Variants in COL26A1 observed in about 807,000 individuals in gnomAD.
COL26A1 encodes the protein collagen alpha-1(XXVI) chain.
A neutral mutation model predicts 59.3 loss-of-function variants in COL26A1; 41 were observed. That is an observed-to-expected ratio of 0.69 (90% CI 0.54 to 0.90). COL26A1 has a LOEUF of 0.90. Among genes scored for constraint, COL26A1 ranks in the 40% least tolerant of loss-of-function variants. COL26A1 has a pLI of 0.00. For missense variants in COL26A1, 612 were observed against 602.3 expected (o/e 1.02, Z -0.17); for synonymous variants, 266 against 256.0 (o/e 1.04, Z -0.37).
At chr7:101,395,197 C>G (rs1205207591) in intron 1 of COL26A1, among the ~76,000 whole-genome samples, 1 of 152,104 alleles carries the variant, frequency 6.6e-6, no homozygotes, top group Non-Finnish European at 1.5e-5. Context: ...CTAGATCTCA[C>G]TGTCATATGG....
intron 3 of COL26A1, among the ~76,000 whole-genome samples, chr7:101,477,851 T>A (rs776953959): frequency 6.6e-6 from 1 of 152,232 alleles, no homozygotes; most frequent in African/African-American, 2.4e-5. Flanking sequence ...TTTTCTCAGC[T>A]TTCCCTGACC....
chr7:101,370,207 G>T (rs1562951214), intron 1 of COL26A1, among the ~76,000 whole-genome samples: 2 of 152,054 alleles, frequency 1.3e-5, no homozygotes, highest in Non-Finnish European at 1.5e-5. Flanking sequence ...CCTTTCAGGG[G>T]TAAGAATAGA....
chr7:101,467,799 A>G (rs1429775970), intron 3 of COL26A1, among the ~76,000 whole-genome samples: 2 of 152,066 alleles, frequency 1.3e-5, no homozygotes, highest in African/African-American at 4.8e-5. Context: ...CCCGGGAAGC[A>G]GGGCTTGCAG....
At chr7:101,413,536 T>TGAAAGGAAAG (rs981669836) in intron 1 of COL26A1, among the ~76,000 whole-genome samples, 5 of 145,170 alleles carry the variant, frequency 3.4e-5, no homozygotes, top group East Asian at 2.0e-4. Context: ...AGAAAGGAAA[T>TGAAAGGAAAG]GAAAGGAAAG....
chr7:101,373,631 C>T (rs966236680), intron 1 of COL26A1, among the ~76,000 whole-genome samples: 7 of 152,156 alleles, frequency 4.6e-5, no homozygotes, highest in African/African-American at 1.7e-4. Flanking sequence ...GAGCGAGGTC[C>T]CTTTCTCTGC....
chr7:101,473,645 CACACACACAA>C (rs1449762309), intron 3 of COL26A1, among the ~76,000 whole-genome samples: 196 of 143,682 alleles, frequency 1.4e-3, no homozygotes, highest in African/African-American at 5.0e-3. Context: ...CACACACACA[CACACACACAA>C]ACACACACAA....
At chr7:101,455,574 C>G (rs1793451794) in intron 3 of COL26A1, among the ~76,000 whole-genome samples, 1 of 149,454 alleles carries the variant, frequency 6.7e-6, no homozygotes, top group South Asian at 2.1e-4. Context: ...GCAATCTCAG[C>G]TCACTGCAAC....
At chr7:101,534,992 C>T (rs1028161177) in intron 4 of COL26A1, among the ~76,000 whole-genome samples, 4 of 152,230 alleles carry the variant, frequency 2.6e-5, no homozygotes, top group African/African-American at 9.6e-5. Flanking sequence ...CTGTTCCCGC[C>T]TTACAGATAT....
At chr7:101,505,724 AG>A (rs1794801307) in intron 3 of COL26A1, among the ~76,000 whole-genome samples, 1 of 152,142 alleles carries the variant, frequency 6.6e-6, no homozygotes, top group Non-Finnish European at 1.5e-5. Flanking sequence ...ACCCAGATTG[AG>A]GGGGGTGGGG....
At chr7:101,505,075 A>C (rs1256427949) in intron 3 of COL26A1, among the ~76,000 whole-genome samples, 1 of 152,130 alleles carries the variant, frequency 6.6e-6, no homozygotes, top group East Asian at 1.9e-4. Context: ...GGATGGCTTG[A>C]ACCAGTGAGC....
At chr7:101,449,804 C>T (rs1464204148) in intron 3 of COL26A1, among the ~76,000 whole-genome samples, 2 of 152,060 alleles carry the variant, frequency 1.3e-5, no homozygotes, top group South Asian at 2.1e-4. Flanking sequence ...CTATTATGCT[C>T]ATGGTCATGG....
chr7:101,486,889 G>A (rs916733738), intron 3 of COL26A1, among the ~76,000 whole-genome samples: 5 of 152,178 alleles, frequency 3.3e-5, no homozygotes, highest in Admixed American at 6.5e-5. Context: ...TAAAGCCTTC[G>A]GGCAAATCTC....
In COL26A1 at chr7:101,425,119, G is replaced by T. The variant is rs965087656; in HGVS notation, c.281+5020G>T. 1.3e-5 allele frequency among the ~76,000 whole-genome samples: 2 copies of T among 151,946 alleles called. 1 individual carries two copies. Among genetic ancestry groups the T allele is most frequent in the South Asian group, 4.2e-4 (2 of 4,796 alleles). On this transcript the variant is annotated intron_variant, in intron 2 of 12. Transcript: ENST00000313669. ...AAAAAAATTTTGGCCAGGCGCGGTG[G>T]CTCATGCCTGTAATCCTATAACTTT...
Position 101,363,007 on chromosome 7 carries a change from C to T in COL26A1, c.-26C>T. On this transcript the variant is annotated 5_prime_UTR_variant, in exon 1 of 13. Transcript: ENST00000313669. Reference sequence around the variant, plus strand: ...CTGCCGGTCCTCGTGCCCGGGACTCCGGGTCCCCGCGGGCTGCTGCGCACG... The same window carrying T: ...CTGCCGGTCCTCGTGCCCGGGACTCTGGGTCCCCGCGGGCTGCTGCGCACG... The T allele has an allele frequency of 1.3e-6, 2 of 1,559,042 alleles. No homozygotes were observed. Among genetic ancestry groups the T allele is most frequent in the African/African-American group, 1.4e-5 (1 of 71,826 alleles).
chr7:101,441,778 C>T (rs928573027), intron 2 of COL26A1, among the ~76,000 whole-genome samples: 1 of 152,078 alleles, frequency 6.6e-6, no homozygotes, highest in Non-Finnish European at 1.5e-5. Flanking sequence ...CTCAGCAGCC[C>T]GGACTCTCTC....
intron 1 of COL26A1, among the ~76,000 whole-genome samples, chr7:101,419,507 CCT>C (rs1412750432): frequency 6.6e-6 from 1 of 152,140 alleles, no homozygotes. Context: ...GGCTTCGTCC[CCT>C]CTCACGGCCC....
At chr7:101,555,980 C>A in intron 12 of COL26A1, 109 bp downstream of exon 12, 3 of 848,618 alleles carry the variant, frequency 3.5e-6, no homozygotes, top group Middle Eastern at 2.4e-4. Context: ...TCCCTTGCCC[C>A]TAGTCTGACC....
chr7:101,540,553 A>G (rs1353406182), intron 5 of COL26A1, among the ~76,000 whole-genome samples: 1 of 150,892 alleles, frequency 6.6e-6, no homozygotes, highest in Non-Finnish European at 1.5e-5. Context: ...AAAAAAAAAA[A>G]AAGTAGACCA....
chr7:101,473,333 C>T (rs1199322559), intron 3 of COL26A1, among the ~76,000 whole-genome samples: 3 of 152,120 alleles, frequency 2.0e-5, no homozygotes, highest in Middle Eastern at 3.2e-3. Context: ...ACCTCAGCCT[C>T]CCAAAATGCT....
Sources: gnomAD v4.1 joint callset for allele counts (sites outside exome capture counted in the v4.1 genomes callset) on GRCh38, gnomAD v4.1.1 for gene constraint, MANE v1.5 for transcripts, NCBI Gene and HGNC (gene_info 2026-07-23, HGNC 2026-07-21) for gene names.